The following TRPM3 variants were observed in gnomAD, a reference collection of about 807,000 sequenced individuals.
TRPM3 encodes the protein transient receptor potential cation channel subfamily M member 3, also known as long transient receptor potential channel 3.
A neutral mutation model predicts 181.2 loss-of-function variants in TRPM3; 77 were observed. The ratio of observed to expected loss-of-function variants is 0.42; its 90% CI spans 0.35 to 0.51. The LOEUF is 0.51. Ranked by LOEUF, TRPM3 falls within the 20% of genes least tolerant of loss-of-function variation. The probability of loss-of-function intolerance (pLI) is 0.01; values close to 1 mark genes in which losing one functional copy is unlikely to be tolerated. For synonymous variants in TRPM3, 745 were observed against 796.4 expected (o/e 0.94, Z 1.09); for missense variants, 1,759 against 2,196.7 (o/e 0.80, Z 3.98).
chr9:70,842,490 C>G (rs1411984701), intron 5 of TRPM3, among the ~76,000 whole-genome samples: 1 of 152,066 alleles, frequency 6.6e-6, no homozygotes, highest in Admixed American at 6.6e-5. Flanking sequence ...TTCTTCGCCA[C>G]TTTTAAAAAA....
chr9:71,398,200 T>C (rs1349121691), intron 1 of TRPM3, among the ~76,000 whole-genome samples: 1 of 152,210 alleles, frequency 6.6e-6, no homozygotes, highest in Non-Finnish European at 1.5e-5. Flanking sequence ...GATCTCTCCT[T>C]TGAAAAGATA....
intron 25 of TRPM3, among the ~76,000 whole-genome samples, chr9:70,541,843 C>T (rs116138658): frequency 0.019 from 2,868 of 152,126 alleles, 82 homozygotes; most frequent in African/African-American, 0.063. Context: ...TTTTTTGAGG[C>T]TGGGTACAGT....
chr9:71,052,574 C>T (rs75850624), intron 1 of TRPM3, among the ~76,000 whole-genome samples: 2 of 152,232 alleles, frequency 1.3e-5, no homozygotes, highest in East Asian at 3.9e-4. Context: ...ATCAGAAAAT[C>T]ACTTACGCTT....
intron 1 of TRPM3, among the ~76,000 whole-genome samples, chr9:71,310,230 T>C (rs2087786092): frequency 6.6e-6 from 1 of 152,090 alleles, no homozygotes; most frequent in Non-Finnish European, 1.5e-5. Context: ...TCTATTATGT[T>C]GTTATTTTCA....
intron 1 of TRPM3, among the ~76,000 whole-genome samples, chr9:71,271,147 A>G (rs1413961897): frequency 6.6e-6 from 1 of 152,216 alleles, no homozygotes; most frequent in African/African-American, 2.4e-5. Context: ...AATAACCATT[A>G]TACCTTCTCA....
intron 1 of TRPM3, among the ~76,000 whole-genome samples, chr9:70,988,569 T>C (rs2097444587): frequency 6.6e-6 from 1 of 152,214 alleles, no homozygotes; most frequent in Admixed American, 6.5e-5. Context: ...GCCTCCAAGA[T>C]TCCCAGCCAG....
chr9:70,981,976 A>C (rs1020632164), intron 1 of TRPM3, among the ~76,000 whole-genome samples: 2 of 152,178 alleles, frequency 1.3e-5, no homozygotes, highest in Non-Finnish European at 2.9e-5. Context: ...GCCTTGATAT[A>C]CTGGTGTAAC....
In TRPM3 at chr9:70,621,284, A is replaced by C; in HGVS notation, c.1810-11T>G. ...TTTCAAGGCTTTGGGCTGTTAAAAA[A>C]AACGTTGTGAACAAAGTTAGATCAG... On this transcript the variant is annotated splice_polypyrimidine_tract_variant and intron_variant, in intron 14 of 25. Coordinates refer to ENST00000677713, the MANE Select transcript of TRPM3 (RefSeq NM_001366145.2). The C allele has an allele frequency of 1.2e-6, 2 of 1,600,500 alleles. No individual in the cohort carries two copies. Among genetic ancestry groups the C allele is most frequent in the Non-Finnish European group, 1.7e-6 (2 of 1,172,802 alleles).
intron 1 of TRPM3, among the ~76,000 whole-genome samples, chr9:71,050,905 G>T (rs995459878): frequency 1.3e-5 from 2 of 152,188 alleles, no homozygotes; most frequent in East Asian, 3.9e-4. Flanking sequence ...TGATTAATGG[G>T]AGGGGAGAAG....
chr9:71,233,517 C>T (rs1415515951), intron 1 of TRPM3, among the ~76,000 whole-genome samples: 1 of 152,106 alleles, frequency 6.6e-6, no homozygotes, highest in Non-Finnish European at 1.5e-5. Context: ...GCAAAGAAAT[C>T]ATCTGCACCA....
chr9:70,807,946 G>A (rs2091059586), intron 6 of TRPM3, among the ~76,000 whole-genome samples: 1 of 152,082 alleles, frequency 6.6e-6, no homozygotes, highest in Admixed American at 6.6e-5. Context: ...TAGTTAGAGT[G>A]AGAAGAGAAT....
At chr9:70,839,195 T>C (rs563851317) in intron 5 of TRPM3, among the ~76,000 whole-genome samples, 201 of 152,324 alleles carry the variant, frequency 1.3e-3, no homozygotes, top group Non-Finnish European at 2.4e-3. Context: ...ATTTTCCCTG[T>C]AGCTTGAATC....
At chr9:71,028,238 A>C (rs1196908885) in intron 1 of TRPM3, among the ~76,000 whole-genome samples, 1 of 152,156 alleles carries the variant, frequency 6.6e-6, no homozygotes, top group Non-Finnish European at 1.5e-5. Flanking sequence ...GAAGGAGAGA[A>C]ATAAGGTCCT....
intron 1 of TRPM3, among the ~76,000 whole-genome samples, chr9:70,992,535 G>A (rs1203303010): frequency 6.6e-6 from 1 of 152,140 alleles, no homozygotes; most frequent in Non-Finnish European, 1.5e-5. Context: ...GAGCAACACT[G>A]TCTAACAAAA....
intron 22 of TRPM3, among the ~76,000 whole-genome samples, chr9:70,556,727 CAAA>C (rs1156584992): frequency 6.6e-6 from 1 of 152,058 alleles, no homozygotes; most frequent in Non-Finnish European, 1.5e-5. Context: ...GTCTCAAAAA[CAAA>C]AACCCCCCTC....
intron 22 of TRPM3, among the ~76,000 whole-genome samples, chr9:70,564,428 T>C (rs1002260694): frequency 1.3e-5 from 2 of 152,190 alleles, no homozygotes; most frequent in Admixed American, 1.3e-4. Context: ...TCTCATTGCC[T>C]TTACTGTGGA....
At chr9:71,388,589 T>C (rs1231736342) in intron 1 of TRPM3, among the ~76,000 whole-genome samples, 1 of 152,086 alleles carries the variant, frequency 6.6e-6, no homozygotes, top group Non-Finnish European at 1.5e-5. Flanking sequence ...CTCCTCCCAG[T>C]CCTACCTATT....
chr9:71,302,306 C>T (rs2086853757), intron 1 of TRPM3, among the ~76,000 whole-genome samples: 1 of 152,134 alleles, frequency 6.6e-6, no homozygotes, highest in Admixed American at 6.6e-5. Context: ...ATCCTCATCA[C>T]CTACTATTTT....
chr9:71,222,706 T>A (rs899517688), intron 1 of TRPM3, among the ~76,000 whole-genome samples: 2 of 152,040 alleles, frequency 1.3e-5, no homozygotes, highest in African/African-American at 2.4e-5. Flanking sequence ...CACTCCCCCA[T>A]CCCCCAGCAG....
Sources: gnomAD v4.1 joint callset for allele counts (sites outside exome capture counted in the v4.1 genomes callset) on GRCh38, gnomAD v4.1.1 for gene constraint, MANE v1.5 for transcripts, NCBI Gene and HGNC (gene_info 2026-07-23, HGNC 2026-07-21) for gene names.